Variants in RNF214 observed in about 807,000 individuals in gnomAD.
RNF214 encodes ring finger protein 214.
Under a neutral mutation model 75.9 loss-of-function variants are expected in RNF214, and 25 were observed. That is an observed-to-expected ratio of 0.33 (90% confidence interval 0.24 to 0.46). The LOEUF is 0.46. Ranked by LOEUF, RNF214 falls within the 20% of genes least tolerant of loss-of-function variation. The probability of loss-of-function intolerance (pLI) is 1.00; values close to 1 mark genes in which losing one functional copy is unlikely to be tolerated. For synonymous variants in RNF214, 314 were observed against 308.8 expected (o/e 1.02, Z -0.18); for missense variants, 725 against 857.5 (o/e 0.85, Z 1.93).
intron 14 of RNF214, among the ~76,000 whole-genome samples, chr11:117,284,087 C>T (rs903430349): frequency 6.6e-6 from 1 of 152,290 alleles, no homozygotes; most frequent in African/African-American, 2.4e-5. Flanking sequence ...ATTCATACTG[C>T]GCACTAAATA....
At chr11:117,269,992 C>T (rs937555523) in intron 6 of RNF214, among the ~76,000 whole-genome samples, 1 of 152,112 alleles carries the variant, frequency 6.6e-6, no homozygotes, top group African/African-American at 2.4e-5. Flanking sequence ...TGATGACTTC[C>T]AGTCTCTTCT....
intron 6 of RNF214, among the ~76,000 whole-genome samples, chr11:117,260,177 G>A (rs2033623601): frequency 6.6e-6 from 1 of 151,808 alleles, no homozygotes; most frequent in African/African-American, 2.4e-5. Context: ...GAGTGCAGTG[G>A]CTATTCACAG....
Position 117,239,003 on chromosome 11 carries a change from T to C in RNF214, c.510T>C (p.Asp170=), listed in dbSNP as rs545111224. ...AAGGTAACAGGGACACAAGCTTGGATTTCCGACCTGTAGTGTCTCCAGCAA... is the reference window on the plus strand; with the variant it reads ...AAGGTAACAGGGACACAAGCTTGGACTTCCGACCTGTAGTGTCTCCAGCAA... The part of the protein sequence containing the change: ...LKEGNRDTSL[D]FRPVVSPANG... The change falls in exon 3 of 15, where the codon GAT becomes GAC. Residue 170 remains aspartate (D), a synonymous_variant. Coordinates refer to ENST00000300650, the MANE Select transcript of RNF214 (RefSeq NM_207343.4). The C allele has an allele frequency of 8.1e-6, 13 of 1,614,150 alleles. No homozygotes were observed. The highest frequency in any genetic ancestry group is 7.6e-6 in the Non-Finnish European group (9 of 1,180,028).
At position 117,286,174 on chromosome 11, in the gene RNF214, TA is replaced by T. The variant is rs1272377092; in HGVS notation, c.*1024del. The T allele has an allele frequency of 6.6e-6, 1 of 152,570 alleles. No individual in the cohort carries two copies. Among genetic ancestry groups the T allele is most frequent in the East Asian group, 1.9e-4 (1 of 5,200 alleles). The allele number at this position is 152,570 out of a possible 1,614,324, so 9.5% of individuals were successfully genotyped here. ...ATTTTAATTTTTGAAGCAAGAAAGTTAGGGGGGGACATATTTCCTGTCCTGG... is the reference window on the plus strand; with the variant it reads ...ATTTTAATTTTTGAAGCAAGAAAGTTGGGGGGGACATATTTCCTGTCCTGG... On this transcript the variant is annotated 3_prime_UTR_variant, in exon 15 of 15. Transcript: ENST00000300650.
At chr11:117,243,904 T>C (rs1565330655) in intron 4 of RNF214, among the ~76,000 whole-genome samples, 1 of 152,210 alleles carries the variant, frequency 6.6e-6, no homozygotes, top group Non-Finnish European at 1.5e-5. Context: ...TGCTGAGTTG[T>C]TCAGTCTGAA....
At position 117,244,691 on chromosome 11, in the gene RNF214, A is replaced by G. The variant is rs2033167151; in HGVS notation, c.819+106A>G. 3 of 851,230 alleles carry G rather than the reference A, an allele frequency of 3.5e-6. No homozygotes were observed. The Admixed American group carries it at 1.0e-4, about 30-fold the overall frequency. 52.7% of individuals were successfully genotyped at this position (851,230 alleles called of 1,614,324 possible). On this transcript the variant is annotated intron_variant, in intron 5 of 14. Coordinates refer to ENST00000300650, the MANE Select transcript of RNF214 (RefSeq NM_207343.4). ...ATTTATTTATTTATTTTTGAGACAG[A>G]GTCTCACTCTGTCACTCAGGCTGGA...
intron 6 of RNF214, among the ~76,000 whole-genome samples, chr11:117,253,741 CAGTA>C (rs1270398569): frequency 1.3e-5 from 2 of 152,070 alleles, no homozygotes; most frequent in Non-Finnish European, 2.9e-5. Context: ...TTGAGAATGG[CAGTA>C]AGTAAGGCTC....
At chr11:117,274,649 G>A (rs1388307948) in intron 6 of RNF214, among the ~76,000 whole-genome samples, 2 of 146,176 alleles carry the variant, frequency 1.4e-5, no homozygotes, top group Non-Finnish European at 3.0e-5. Flanking sequence ...GATTACAGGC[G>A]TGAGCGACCG....
intron 6 of RNF214, among the ~76,000 whole-genome samples, chr11:117,276,994 C>G (rs1230653548): frequency 6.6e-6 from 1 of 152,106 alleles, no homozygotes. Context: ...TATTTTGGAA[C>G]TGAGGGAATA....
intron 6 of RNF214, among the ~76,000 whole-genome samples, chr11:117,277,115 G>A (rs1201552501): frequency 6.6e-6 from 1 of 152,168 alleles, no homozygotes; most frequent in Non-Finnish European, 1.5e-5. Flanking sequence ...GGCTGAGGCT[G>A]GTGGATCACC....
chr11:117,239,269 A>G (rs1591817181), intron 3 of RNF214, 158 bp downstream of exon 3: 1 of 664,516 alleles, frequency 1.5e-6, no homozygotes, highest in Non-Finnish European at 2.5e-6. Flanking sequence ...AGTGCCATAC[A>G]ATGACTTCAT....
Position 117,285,103 on chromosome 11 carries a change from C to G in RNF214, c.2064C>G (p.Ala688=). The G allele has an allele frequency of 6.2e-7, 1 of 1,612,394 alleles. No homozygotes were observed. The change falls in exon 15 of 15, where the codon GCC becomes GCG. Residue 688 remains alanine, a synonymous_variant. Coordinates refer to ENST00000300650, the MANE Select transcript of RNF214 (RefSeq NM_207343.4). ...VLHKECIKFW[A]QTNTNDTCPF... ...CTTTCCAGTGTATCAAATTCTGGGC[C>G]CAGACCAACACAAATGACACTTGTC...
intron 6 of RNF214, among the ~76,000 whole-genome samples, chr11:117,258,982 A>C (rs1206792668): frequency 6.6e-6 from 1 of 152,102 alleles, no homozygotes; most frequent in East Asian, 1.9e-4. Flanking sequence ...TTTGAGAATG[A>C]GTTTCACTCT....
At chr11:117,237,091 TA>T (rs1444290305) in intron 2 of RNF214, among the ~76,000 whole-genome samples, 1 of 152,192 alleles carries the variant, frequency 6.6e-6, no homozygotes, top group African/African-American at 2.4e-5. Context: ...TTTTTATTAA[TA>T]TTATTGAGAC....
chr11:117,274,046 G>A (rs933604067), intron 6 of RNF214, among the ~76,000 whole-genome samples: 20 of 152,188 alleles, frequency 1.3e-4, no homozygotes, highest in African/African-American at 4.8e-4. Flanking sequence ...AAACACTGGT[G>A]AAGTAGCTAG....
At chr11:117,283,738 A>G (rs1414639816) in intron 14 of RNF214, among the ~76,000 whole-genome samples, 4 of 152,012 alleles carry the variant, frequency 2.6e-5, no homozygotes, top group Non-Finnish European at 2.9e-5. Flanking sequence ...ATAGCTCACT[A>G]TAGCCTCAAT....
At chr11:117,236,642 C>T (rs1290926982) in intron 2 of RNF214, among the ~76,000 whole-genome samples, 3 of 152,174 alleles carry the variant, frequency 2.0e-5, no homozygotes, top group Non-Finnish European at 2.9e-5. Flanking sequence ...CAGTTCCATA[C>T]GTGGTAACAC....
intron 14 of RNF214, among the ~76,000 whole-genome samples, chr11:117,283,474 C>T (rs1457807990): frequency 6.6e-6 from 1 of 152,058 alleles, no homozygotes; most frequent in Non-Finnish European, 1.5e-5. Flanking sequence ...GATTCTCCTG[C>T]CTCAGCCTCC....
intron 6 of RNF214, among the ~76,000 whole-genome samples, chr11:117,276,674 A>G (rs996075555): frequency 6.6e-6 from 1 of 152,224 alleles, no homozygotes; most frequent in East Asian, 1.9e-4. Context: ...GTTAGATCCC[A>G]GTGAGGTGAA....
Sources: gnomAD v4.1 joint callset for allele counts (sites outside exome capture counted in the v4.1 genomes callset) on GRCh38, gnomAD v4.1.1 for gene constraint, MANE v1.5 for transcripts, NCBI Gene and HGNC (gene_info 2026-07-23, HGNC 2026-07-21) for gene names.